The following RNF115 variants were observed in gnomAD, a reference collection of about 807,000 sequenced individuals.
RNF115 encodes E3 ubiquitin-protein ligase RNF115.
In RNF115, 31 loss-of-function variants were observed where a neutral mutation model predicts 39.2. That is an observed-to-expected ratio of 0.79 (90% CI 0.59 to 1.07). The LOEUF (loss-of-function observed/expected upper bound fraction) is 1.07, where lower values mean the gene tolerates loss of function less well. RNF115 is among the 50% of genes least tolerant of loss of function. The pLI is 0.00. For missense variants in RNF115, 384 were observed against 381.7 expected (o/e 1.01, Z -0.05); for synonymous variants, 124 against 131.0 (o/e 0.95, Z 0.37).
chr1:145,778,273 T>C (rs1471305937), intron 3 of RNF115, among the ~76,000 whole-genome samples: 1 of 152,146 alleles, frequency 6.6e-6, no homozygotes, highest in Non-Finnish European at 1.5e-5. Flanking sequence ...AAATATCCTA[T>C]ATAGGCAAAT....
At chr1:145,802,035 A>G (rs886748367) in intron 1 of RNF115, among the ~76,000 whole-genome samples, 2 of 152,120 alleles carry the variant, frequency 1.3e-5, no homozygotes, top group Non-Finnish European at 2.9e-5. Context: ...CAATCCTCTC[A>G]TGTTAGCCTC....
chr1:145,814,834 ATG>A (rs1649908726), intron 1 of RNF115, among the ~76,000 whole-genome samples: 1 of 152,220 alleles, frequency 6.6e-6, no homozygotes, highest in African/African-American at 2.4e-5. Flanking sequence ...CAGTGAATAT[ATG>A]TACTTCACTG....
intron 7 of RNF115, among the ~76,000 whole-genome samples, chr1:145,749,524 C>T (rs1363834760): frequency 3.3e-5 from 5 of 152,194 alleles, no homozygotes; most frequent in African/African-American, 2.4e-5. Flanking sequence ...TTTATAGTTA[C>T]AAAGCTGTGA....
intron 1 of RNF115, among the ~76,000 whole-genome samples, chr1:145,806,947 G>A (rs947449382): frequency 2.6e-5 from 4 of 152,216 alleles, no homozygotes; most frequent in African/African-American, 9.6e-5. Flanking sequence ...TGGGATTACA[G>A]GTACGCGCCA....
At chr1:145,768,026 T>C (rs1345274381) in intron 4 of RNF115, among the ~76,000 whole-genome samples, 2 of 152,020 alleles carry the variant, frequency 1.3e-5, no homozygotes, top group Admixed American at 6.6e-5. Context: ...GAGGGAGCCA[T>C]TGTTTCATCT....
chr1:145,754,140 TTTGC>T lies in RNF115; in HGVS notation c.429-1095_429-1092del, dbSNP rs587727433. Among the ~76,000 whole-genome samples the T allele has an allele frequency of 5.9e-5, 9 of 152,298 alleles. No homozygotes were observed. The South Asian group carries it at 1.7e-3, about 28-fold the overall frequency. ...GCAGCTAACTACACTATTCCGTTTG[TTTGC>T]TTGCTTTTTTGTATTATTTTTCATT... On this transcript the variant is annotated intron_variant, in intron 4 of 8. Transcript: ENST00000582693.
intron 1 of RNF115, among the ~76,000 whole-genome samples, chr1:145,822,081 C>T (rs587753890): frequency 6.6e-6 from 1 of 152,000 alleles, no homozygotes; most frequent in African/African-American, 2.4e-5. Context: ...AATCCCAGCA[C>T]TCTGGGAGCC....
intron 1 of RNF115, among the ~76,000 whole-genome samples, chr1:145,791,438 G>A (rs967816884): frequency 2.6e-5 from 4 of 151,518 alleles, no homozygotes; most frequent in African/African-American, 9.7e-5. Context: ...CTTGAACCCA[G>A]GAGGTCAAGG....
chr1:145,788,369 A>G (rs587765714), intron 2 of RNF115, among the ~76,000 whole-genome samples: 2 of 152,348 alleles, frequency 1.3e-5, no homozygotes, highest in African/African-American at 4.8e-5. Flanking sequence ...GGCGTGAGCC[A>G]CCACACTGGC....
intron 4 of RNF115, among the ~76,000 whole-genome samples, chr1:145,761,290 A>G (rs587642623): frequency 1.3e-5 from 2 of 152,358 alleles, no homozygotes; most frequent in Non-Finnish European, 2.9e-5. Flanking sequence ...TTAATCCCCA[A>G]GACCACAGGC....
chr1:145,802,433 G>C (rs1246811693), intron 1 of RNF115, among the ~76,000 whole-genome samples: 1 of 152,140 alleles, frequency 6.6e-6, no homozygotes, highest in African/African-American at 2.4e-5. Flanking sequence ...ATCACAATAC[G>C]TGACACCTTA....
intron 1 of RNF115, among the ~76,000 whole-genome samples, chr1:145,800,539 A>G (rs1559127265): frequency 1.3e-5 from 2 of 152,288 alleles, no homozygotes; most frequent in East Asian, 3.9e-4. Context: ...ACTGCCTGGC[A>G]ACTTCTACTT....
chr1:145,750,814 A>C (rs587682892), intron 6 of RNF115, among the ~76,000 whole-genome samples: 1 of 152,360 alleles, frequency 6.6e-6, no homozygotes, highest in African/African-American at 2.4e-5. Context: ...CTTAATAAAA[A>C]GTAAAATGTA....
rs1404427844 is a variant in RNF115 at position 145,740,458 on chromosome 1, GT to G, written c.*6407del. On this transcript the variant is annotated 3_prime_UTR_variant, in exon 9 of 9. Coordinates refer to ENST00000582693, the MANE Select transcript of RNF115 (RefSeq NM_014455.4). ...TTTACTCTGCTTATCTCGAGACTTG[GT>G]TAAACAGAAACTTAAAATACTTGTG... 2.0e-5 allele frequency: 3 copies of G among 152,194 alleles called. No individual in the cohort carries two copies. The highest frequency in any genetic ancestry group is 4.4e-5 in the Non-Finnish European group (3 of 68,040). 9.4% of individuals were successfully genotyped at this position (152,194 alleles called of 1,614,324 possible).
chr1:145,751,357 A>G (rs1553712448), intron 6 of RNF115, 81 bp downstream of exon 6: 2 of 981,698 alleles, frequency 2.0e-6, no homozygotes, highest in Non-Finnish European at 3.1e-6. Flanking sequence ...CTGCCATTTC[A>G]GAAAGTAGCA....
At chr1:145,767,023 A>G in intron 4 of RNF115, among the ~76,000 whole-genome samples, 1 of 131,252 alleles carries the variant, frequency 7.6e-6, no homozygotes, top group Non-Finnish European at 1.6e-5. Context: ...GTGGCCGGGC[A>G]GAGGCGCCCC....
chr1:145,788,634 C>A, intron 2 of RNF115: 1 of 567,044 alleles, frequency 1.8e-6, no homozygotes, highest in South Asian at 1.6e-5. Context: ...GACATGCGTA[C>A]AGATGTACAT....
intron 4 of RNF115, among the ~76,000 whole-genome samples, chr1:145,754,359 T>C (rs1397554103): frequency 8.8e-6 from 1 of 113,636 alleles, no homozygotes; most frequent in Non-Finnish European, 1.8e-5. Flanking sequence ...TTGTTTTTTT[T>C]TTTTCTTTTT....
intron 4 of RNF115, 71 bp from the exon 5 acceptor site, chr1:145,753,120 C>T (rs587729344): frequency 9.8e-7 from 1 of 1,020,708 alleles, no homozygotes; most frequent in African/African-American, 1.6e-5. Flanking sequence ...CCATGGCTGC[C>T]TAATCACCAA....
Sources: gnomAD v4.1 joint callset for allele counts (sites outside exome capture counted in the v4.1 genomes callset) on GRCh38, gnomAD v4.1.1 for gene constraint, MANE v1.5 for transcripts, NCBI Gene and HGNC (gene_info 2026-07-23, HGNC 2026-07-21) for gene names.